PDGFC: variants seen among roughly 807,000 people sequenced by gnomAD.
PDGFC encodes platelet-derived growth factor C.
In PDGFC, 12 loss-of-function variants were observed where a neutral mutation model predicts 35.5. That is an observed-to-expected ratio of 0.34 (90% confidence interval 0.22 to 0.55). The LOEUF (loss-of-function observed/expected upper bound fraction) is 0.55. Ranked by LOEUF, PDGFC falls within the 20% of genes least tolerant of loss-of-function variation. PDGFC has a pLI of 0.91. For synonymous variants in PDGFC, 159 were observed against 148.8 expected, an observed-to-expected ratio of 1.07 and a Z score of -0.50; for missense variants, 322 against 412.4, an observed-to-expected ratio of 0.78 and a Z score of 1.90.
chr4:156,768,033 C>T (rs1295773612), intron 4 of PDGFC, 43 bp from the exon 5 acceptor site: 1 of 1,143,818 alleles, frequency 8.7e-7, no homozygotes, highest in East Asian at 2.3e-5. Context: ...GATGTTGATG[C>T]TTTGAGCCTG....
At chr4:156,955,858 T>C (rs75147839) in intron 1 of PDGFC, among the ~76,000 whole-genome samples, 5,869 of 152,076 alleles carry the variant, frequency 0.039, 358 homozygotes, top group African/African-American at 0.13. Context: ...AAGTAGTTCA[T>C]TTTTGAATAG....
chr4:156,892,343 T>G (rs1215438054), intron 1 of PDGFC, among the ~76,000 whole-genome samples: 2 of 152,206 alleles, frequency 1.3e-5, no homozygotes, highest in African/African-American at 2.4e-5. Flanking sequence ...GAAATCCTGA[T>G]AGCAACTAAA....
At chr4:156,833,696 T>C (rs891797024) in intron 2 of PDGFC, among the ~76,000 whole-genome samples, 1 of 152,242 alleles carries the variant, frequency 6.6e-6, no homozygotes, top group Non-Finnish European at 1.5e-5. Context: ...TTTATTCTTA[T>C]ATAATAGCAT....
chr4:156,845,974 A>G (rs1043888649), intron 2 of PDGFC, among the ~76,000 whole-genome samples: 4 of 151,828 alleles, frequency 2.6e-5, no homozygotes, highest in African/African-American at 9.7e-5. Context: ...GCACAAAACA[A>G]TATTAGTAAT....
At chr4:156,864,233 A>G (rs1729781897) in intron 1 of PDGFC, among the ~76,000 whole-genome samples, 1 of 152,138 alleles carries the variant, frequency 6.6e-6, no homozygotes. Context: ...TTGCTTACTG[A>G]AGGCCACTGT....
In PDGFC at chr4:156,874,721, AT is replaced by A. The variant is rs200793938; in HGVS notation, c.119-24306del. 4.6e-3 allele frequency among the ~76,000 whole-genome samples: 674 copies of A among 147,270 alleles called. 21 individuals carry two copies. In the East Asian group the frequency reaches 0.081, roughly 18 times the overall value. Reference sequence around the variant, plus strand: ...ACTAAATACATTTTCTCTTTTTTTAATTTTTTTTTTTTAAATACAGGGTCTC... The same window carrying A: ...ACTAAATACATTTTCTCTTTTTTTAATTTTTTTTTTTAAATACAGGGTCTC... On this transcript the variant is annotated intron_variant, in intron 1 of 5. Coordinates refer to ENST00000502773, the MANE Select transcript of PDGFC (RefSeq NM_016205.3).
intron 1 of PDGFC, among the ~76,000 whole-genome samples, chr4:156,881,582 G>A (rs1229301840): frequency 6.6e-6 from 1 of 152,008 alleles, no homozygotes; most frequent in African/African-American, 2.4e-5. Flanking sequence ...AAAAATGGGA[G>A]TTACTTTGGG....
At chr4:156,850,101 C>A (rs2111081207) in intron 2 of PDGFC, 120 bp downstream of exon 2, 1 of 523,566 alleles carries the variant, frequency 1.9e-6, no homozygotes, top group East Asian at 3.1e-5. Flanking sequence ...CTGGAAATTT[C>A]TTAGATCATC....
At chr4:156,778,734 C>T (rs1730894888) in intron 3 of PDGFC, among the ~76,000 whole-genome samples, 2 of 152,150 alleles carry the variant, frequency 1.3e-5, no homozygotes, top group African/African-American at 4.8e-5. Flanking sequence ...TTTAAAAACA[C>T]ACTTAAAATG....
At chr4:156,772,036 T>C (rs1730706099) in intron 4 of PDGFC, among the ~76,000 whole-genome samples, 2 of 152,182 alleles carry the variant, frequency 1.3e-5, no homozygotes, top group African/African-American at 4.8e-5. Context: ...CTTTCACTCT[T>C]AGAGAAAGAT....
At chr4:156,905,769 T>C (rs1231638346) in intron 1 of PDGFC, among the ~76,000 whole-genome samples, 1 of 151,832 alleles carries the variant, frequency 6.6e-6, no homozygotes, top group Admixed American at 6.6e-5. Context: ...CTCAGCTTTA[T>C]TTTAATTACA....
chr4:156,913,268 T>C (rs568148327), intron 1 of PDGFC, among the ~76,000 whole-genome samples: 1 of 152,262 alleles, frequency 6.6e-6, no homozygotes, highest in South Asian at 2.1e-4. Context: ...TAAAATGGTG[T>C]CATGGTGGTA....
chr4:156,906,819 T>C (rs186398881), intron 1 of PDGFC, among the ~76,000 whole-genome samples: 3 of 152,312 alleles, frequency 2.0e-5, no homozygotes, highest in Non-Finnish European at 4.4e-5. Context: ...CCTTAATTTC[T>C]AGAATAATAT....
At chr4:156,961,016 T>C (rs1179694302) in intron 1 of PDGFC, among the ~76,000 whole-genome samples, 17 of 152,092 alleles carry the variant, frequency 1.1e-4, no homozygotes. Flanking sequence ...GCAAGAAATT[T>C]CCAGTAGGAG....
intron 1 of PDGFC, among the ~76,000 whole-genome samples, chr4:156,949,028 T>G (rs1732015219): frequency 6.6e-6 from 1 of 151,812 alleles, no homozygotes; most frequent in Non-Finnish European, 1.5e-5. Flanking sequence ...TGAGAAAGGA[T>G]TATAGCGCAG....
At chr4:156,939,227 C>G (rs1269291596) in intron 1 of PDGFC, among the ~76,000 whole-genome samples, 2 of 152,028 alleles carry the variant, frequency 1.3e-5, no homozygotes, top group African/African-American at 4.8e-5. Context: ...ACTGTAGTTA[C>G]TAGATCACCG....
intron 2 of PDGFC, among the ~76,000 whole-genome samples, chr4:156,821,839 G>A (rs1222926103): frequency 2.0e-5 from 3 of 152,036 alleles, no homozygotes; most frequent in Non-Finnish European, 4.4e-5. Flanking sequence ...TTGAGCCACC[G>A]TGCCTGGCTG....
chr4:156,959,262 C>T (rs761898997), intron 1 of PDGFC, among the ~76,000 whole-genome samples: 2 of 151,816 alleles, frequency 1.3e-5, no homozygotes, highest in Admixed American at 1.3e-4. Flanking sequence ...CGAAAACAAA[C>T]AAATAAACAA....
At chr4:156,915,666 GT>G (rs1163201256) in intron 1 of PDGFC, among the ~76,000 whole-genome samples, 1 of 152,084 alleles carries the variant, frequency 6.6e-6, no homozygotes, top group Non-Finnish European at 1.5e-5. Flanking sequence ...GGTGGTGCGT[GT>G]TTGTAATCTC....
Sources: gnomAD v4.1 joint callset for allele counts (sites outside exome capture counted in the v4.1 genomes callset) on GRCh38, gnomAD v4.1.1 for gene constraint, MANE v1.5 for transcripts, NCBI Gene and HGNC (gene_info 2026-07-23, HGNC 2026-07-21) for gene names.